The following TIMM50 variants were observed in gnomAD, a reference collection of about 807,000 sequenced individuals.
TIMM50 encodes mitochondrial import inner membrane translocase subunit TIM50.
Under a neutral mutation model 49.6 loss-of-function variants are expected in TIMM50, and 34 were observed. The observed-to-expected ratio is 0.69, with a 90% CI of 0.52 to 0.91. TIMM50 has a LOEUF of 0.91. TIMM50 is among the 40% of genes least tolerant of loss of function. TIMM50 has a pLI of 0.00. For synonymous variants in TIMM50, 199 were observed against 198.4 expected (o/e 1.00, Z -0.03); for missense variants, 458 against 477.8 (o/e 0.96, Z 0.39).
intron 6 of TIMM50, 125 bp from the exon 7 acceptor site, chr19:39,486,062 C>T: frequency 8.6e-7 from 1 of 1,159,332 alleles, no homozygotes; most frequent in Non-Finnish European, 1.3e-6. Flanking sequence ...TCTTGACCTC[C>T]AAGAGCCACA....
At position 39,485,580 on chromosome 19, in the gene TIMM50, A is replaced by C. The variant is rs747390713; in HGVS notation, c.350A>C (p.Lys117Thr). The C allele has an allele frequency of 6.2e-7, 1 of 1,614,074 alleles. No homozygotes were observed. Among genetic ancestry groups the C allele is most frequent in the Non-Finnish European group, 8.5e-7 (1 of 1,180,002 alleles). The change falls in exon 5 of 11, where the codon AAA (lysine) becomes ACA (threonine). Residue 117 changes from lysine to threonine, a missense_variant. Coordinates refer to ENST00000607714, the MANE Select transcript of TIMM50 (RefSeq NM_001001563.5). ...ILVQQLRRTY[K>T]YFKDYRQMII... The stretch of plus-strand genomic sequence containing the variant: ...GTACAGCAGTTGCGCCGGACATACA[A>C]ATATTTCAAAGATTATAGACAGGTG...
At chr19:39,485,521 C>T (rs541027247) in intron 4 of TIMM50, 23 bp from the exon 5 acceptor site, 18 of 1,614,062 alleles carry the variant, frequency 1.1e-5, no homozygotes, top group Middle Eastern at 1.6e-4. Context: ...TGTGGAATCT[C>T]TTTGTGCCTG....
chr19:39,487,843 C>T (rs796376486), intron 8 of TIMM50, among the ~76,000 whole-genome samples: 38 of 152,258 alleles, frequency 2.5e-4, no homozygotes, highest in African/African-American at 8.9e-4. Flanking sequence ...CCGCCCGCCT[C>T]GGCCTCCCAA....
At chr19:39,483,978 C>T (rs534333703) in intron 4 of TIMM50, among the ~76,000 whole-genome samples, 3 of 152,180 alleles carry the variant, frequency 2.0e-5, no homozygotes, top group South Asian at 2.1e-4. Context: ...CTCAGCCTCC[C>T]GAGTAGCTGG....
In TIMM50 at chr19:39,493,269, T is replaced by G. The variant is rs1287028862; in HGVS notation, c.*3449T>G. 6.6e-6 allele frequency: 1 copy of G among 152,006 alleles called. No individual in the cohort carries two copies. The highest frequency in any genetic ancestry group is 2.4e-5 in the African/African-American group (1 of 41,380). 9.4% of individuals were successfully genotyped at this position (152,006 alleles called of 1,614,324 possible). ...GGACCTGTGCTTTTTTTTTTGTTTT[T>G]TTGAGATGGAGTCTCTGTTGCCCAG... On this transcript the variant is annotated 3_prime_UTR_variant, in exon 11 of 11. Coordinates refer to ENST00000607714, the MANE Select transcript of TIMM50 (RefSeq NM_001001563.5).
intron 4 of TIMM50, among the ~76,000 whole-genome samples, chr19:39,484,445 A>G (rs574627621): frequency 2.7e-4 from 41 of 152,276 alleles, no homozygotes; most frequent in African/African-American, 9.6e-4. Context: ...ACTGGAGTCA[A>G]TATATTCACT....
At chr19:39,483,367 A>T in intron 4 of TIMM50, 83 of 508,514 alleles carry the variant, frequency 1.6e-4, no homozygotes, top group Middle Eastern at 5.9e-4. Flanking sequence ...GGTCAGAGAC[A>T]GATGGGGGAT....
chr19:39,490,216 G>C lies in TIMM50; in HGVS notation c.*396G>C, dbSNP rs950447357. The C allele has an allele frequency of 1.6e-5, 3 of 191,158 alleles. No homozygotes were observed. Among genetic ancestry groups the C allele is most frequent in the Non-Finnish European group, 2.2e-5 (2 of 91,022 alleles). The allele number at this position is 191,158 out of a possible 1,614,324, so 11.8% of individuals were successfully genotyped here. ...GACAGGTAGCTGCCAGGCTACTGTGGAGAGAATGTGTTATGGGCCTAGTGG... is the reference window on the plus strand; with the variant it reads ...GACAGGTAGCTGCCAGGCTACTGTGCAGAGAATGTGTTATGGGCCTAGTGG... On this transcript the variant is annotated 3_prime_UTR_variant, in exon 11 of 11. Coordinates refer to ENST00000607714, the MANE Select transcript of TIMM50 (RefSeq NM_001001563.5).
At position 39,480,889 on chromosome 19, in the gene TIMM50, A is replaced by G. The variant is rs112385179; in HGVS notation, c.36A>G (p.Arg12=). ...CGGCAGCGGTGTTCTCGCGCTTGCG[A>G]AGCGGGCTCCGGCTCGGCTCGCGGG... The part of the protein sequence containing the change: ...AASAAVFSRL[R]SGLRLGSRGL... The change falls in exon 1 of 11, where the codon CGA becomes CGG. Residue 12 remains arginine, a synonymous_variant. Coordinates refer to ENST00000607714, the MANE Select transcript of TIMM50 (RefSeq NM_001001563.5). 1 of 1,599,328 alleles carries G rather than the reference A, an allele frequency of 6.3e-7. No individual in the cohort carries two copies. The highest frequency in any genetic ancestry group is 1.3e-5 in the African/African-American group (1 of 74,910).
At position 39,481,899 on chromosome 19, in the gene TIMM50, G is replaced by A. The variant is rs751674800; in HGVS notation, c.125G>A (p.Ser42Asn). 3.7e-6 allele frequency: 6 copies of A among 1,613,442 alleles called. No homozygotes were observed. In the Admixed American group the frequency reaches 1.0e-4, roughly 27 times the overall value. The change falls in exon 2 of 11, where the codon AGC (serine) becomes AAC (asparagine). Residue 42 changes from serine to asparagine, a missense_variant. By Grantham distance (46) the Ser-to-Asn change is conservative (BLOSUM62 1). Transcript: ENST00000607714. The part of the protein sequence containing the change: ...RAPDQAAEIG[S>N]RGSTKAQGPQ... ...CAACCGCAGGCCGCAGAGATCGGGA[G>A]CCGCGGGAGCACTAAGGCGCAAGGG...
At position 39,492,724 on chromosome 19, in the gene TIMM50, A is replaced by G. The variant is rs889469673; in HGVS notation, c.*2904A>G. ...TCTACTAAAAAAATACAAATAAATT[A>G]GCTGGGCATGGTGGTGGGTGCCTGT... On this transcript the variant is annotated 3_prime_UTR_variant, in exon 11 of 11. Transcript: ENST00000607714. The G allele has an allele frequency of 2.6e-5, 4 of 151,644 alleles. No homozygotes were observed. Among genetic ancestry groups the G allele is most frequent in the African/African-American group, 9.7e-5 (4 of 41,244 alleles). 9.4% of individuals were successfully genotyped at this position (151,644 alleles called of 1,614,324 possible).
In TIMM50 at chr19:39,488,635, G is replaced by A. The variant is rs199936567; in HGVS notation, c.950G>A (p.Arg317Gln). 188 of 1,613,548 alleles carry A rather than the reference G, an allele frequency of 1.2e-4. No individual in the cohort carries two copies. The highest frequency in any genetic ancestry group is 6.6e-5 in the Non-Finnish European group (78 of 1,179,942). Residue 317 changes from arginine (R) to glutamine (Q), a missense_variant, in exon 10 of 11, where the codon CGG (arginine) becomes CAG (glutamine). Coordinates refer to ENST00000607714, the MANE Select transcript of TIMM50 (RefSeq NM_001001563.5). ...GCGGCTTTCAAACAGCGGCAAAGCCGGCTAGAGCAGGTTGGTGCTCAGATG... is the reference window on the plus strand; with the variant it reads ...GCGGCTTTCAAACAGCGGCAAAGCCAGCTAGAGCAGGTTGGTGCTCAGATG... ...PLAAFKQRQS[R>Q]LEQEEQQRLA...
At chr19:39,482,748 C>G in intron 2 of TIMM50, 137 bp from the exon 3 acceptor site, 1 of 1,109,502 alleles carries the variant, frequency 9.0e-7, no homozygotes. Flanking sequence ...CTCCCAGCCC[C>G]CTCCTGGCTT....
intron 1 of TIMM50, among the ~76,000 whole-genome samples, chr19:39,481,532 C>T (rs1266801741): frequency 6.6e-6 from 1 of 152,162 alleles, no homozygotes; most frequent in Non-Finnish European, 1.5e-5. Context: ...TGTACCCCTT[C>T]CCCCACCACT....
chr19:39,485,847 G>T, intron 6 of TIMM50, 40 bp downstream of exon 6: 1 of 1,611,808 alleles, frequency 6.2e-7, no homozygotes, highest in South Asian at 1.1e-5. Flanking sequence ...GATAGACCTG[G>T]GCAGTGGGGT....
chr19:39,483,006 C>G, intron 3 of TIMM50, 90 bp downstream of exon 3: 15 of 1,608,026 alleles, frequency 9.3e-6, no homozygotes, highest in Non-Finnish European at 1.3e-5. Context: ...CATTGCTGGT[C>G]TGGAGTGAGC....
chr19:39,485,852 T>TG (rs2079502134), intron 6 of TIMM50, 45 bp downstream of exon 6: 2 of 1,610,646 alleles, frequency 1.2e-6, no homozygotes, highest in Non-Finnish European at 1.7e-6. Context: ...ACCTGGGCAG[T>TG]GGGGTTGTGA....
Position 39,480,939 on chromosome 19 carries a change from C to T in TIMM50, c.86C>T (p.Pro29Leu), listed in dbSNP as rs1349234846. Residue 29 changes from proline (P) to leucine (L), a missense_variant, in exon 1 of 11, where the codon CCG becomes CTG. Pro to Leu is a moderately conservative substitution (Grantham distance 98). Coordinates refer to ENST00000607714, the MANE Select transcript of TIMM50 (RefSeq NM_001001563.5). ...GGACTGTGCACGAGGTTGGCGACGC[C>T]GCCCCGCCGGGCCCCAGATCAGGTG... is the stretch of plus-strand genomic sequence containing the variant. ...SRGLCTRLAT[P>L]PRRAPDQAAE... The T allele has an allele frequency of 2.5e-6, 4 of 1,585,438 alleles. No individual in the cohort carries two copies. Among genetic ancestry groups the T allele is most frequent in the Non-Finnish European group, 3.4e-6 (4 of 1,174,344 alleles).
chr19:39,486,267 C>T lies in TIMM50; in HGVS notation c.573C>T (p.Val191=). ...FQQLAPLYEI[V]IFTSETGMTA... ...AGCTTGCCCCTTTATATGAAATTGT[C>T]ATCTTTACGTCAGAGACTGGCATGG... The change falls in exon 7 of 11, where the codon GTC becomes GTT. Residue 191 remains valine (V), a synonymous_variant. Coordinates refer to ENST00000607714, the MANE Select transcript of TIMM50 (RefSeq NM_001001563.5). 1 of 1,614,120 alleles carries T rather than the reference C, an allele frequency of 6.2e-7. No individual in the cohort carries two copies. Among genetic ancestry groups the T allele is most frequent in the Non-Finnish European group, 8.5e-7 (1 of 1,180,026 alleles).
Sources: allele counts gnomAD v4.1 joint callset (sites outside exome capture counted in the v4.1 genomes callset), GRCh38; gene constraint gnomAD v4.1.1; transcripts MANE v1.5; gene names NCBI Gene and HGNC (gene_info 2026-07-23, HGNC 2026-07-21).